The following DCLK2 variants were observed in gnomAD, a reference collection of about 807,000 sequenced individuals.
DCLK2 encodes serine/threonine-protein kinase DCLK2.
DCLK2 carries 31 observed loss-of-function variants against 78.4 expected under a neutral mutation model. The ratio of observed to expected loss-of-function variants is 0.40; its 90% CI spans 0.30 to 0.53. The LOEUF is 0.53. Among genes scored for constraint, DCLK2 ranks in the 20% least tolerant of loss-of-function variants. DCLK2 has a pLI of 0.61. For synonymous variants in DCLK2, 407 were observed against 374.9 expected (o/e 1.09, Z -0.99); for missense variants, 872 against 973.7 (o/e 0.90, Z 1.39).
chr4:150,229,247 G>A (rs1318808593), intron 8 of DCLK2, among the ~76,000 whole-genome samples: 1 of 152,166 alleles, frequency 6.6e-6, no homozygotes, highest in African/African-American at 2.4e-5. Context: ...AAGATTGCTT[G>A]AGCCTGGGAG....
At chr4:150,095,628 T>C (rs1430358320) in intron 1 of DCLK2, among the ~76,000 whole-genome samples, 1 of 152,212 alleles carries the variant, frequency 6.6e-6, no homozygotes, top group Non-Finnish European at 1.5e-5. Context: ...CTCCAGGCTG[T>C]TTTCCTAGAG....
At chr4:150,197,440 C>T (rs1238158443) in intron 3 of DCLK2, among the ~76,000 whole-genome samples, 2 of 152,154 alleles carry the variant, frequency 1.3e-5, no homozygotes, top group Non-Finnish European at 2.9e-5. Flanking sequence ...CCATCTGGAA[C>T]ACTGAGGTGA....
At chr4:150,196,094 G>A (rs753307110) in intron 3 of DCLK2, among the ~76,000 whole-genome samples, 1 of 151,994 alleles carries the variant, frequency 6.6e-6, no homozygotes, top group Admixed American at 6.6e-5. Flanking sequence ...AACTTGTATT[G>A]TAATCTTAAT....
At chr4:150,215,925 T>A (rs2126507582) in intron 5 of DCLK2, among the ~76,000 whole-genome samples, 1 of 152,302 alleles carries the variant, frequency 6.6e-6, no homozygotes, top group South Asian at 2.1e-4. Context: ...AGAGAGATTG[T>A]TTTCTGAGGC....
At chr4:150,247,378 G>T (rs1243483985) in intron 12 of DCLK2, among the ~76,000 whole-genome samples, 1 of 152,152 alleles carries the variant, frequency 6.6e-6, no homozygotes, top group African/African-American at 2.4e-5. Flanking sequence ...TTGAGTCATT[G>T]TCTCTGTCTC....
At chr4:150,195,381 A>AT in intron 3 of DCLK2, among the ~76,000 whole-genome samples, 2 of 2,260 alleles carry the variant, frequency 8.8e-4, no homozygotes, top group African/African-American at 1.9e-3. Flanking sequence ...ATATTATATA[A>AT]TATATATATT....
At chr4:150,213,608 T>A (rs185410527) in intron 5 of DCLK2, among the ~76,000 whole-genome samples, 3,338 of 151,672 alleles carry the variant, frequency 0.022, 111 homozygotes, top group African/African-American at 0.072. Context: ...TATTTTTTTT[T>A]AAAAAAAAAT....
At chr4:150,086,996 T>G (rs540984117) in intron 1 of DCLK2, among the ~76,000 whole-genome samples, 20 of 152,348 alleles carry the variant, frequency 1.3e-4, no homozygotes, top group Admixed American at 1.0e-3. Context: ...TAACACAATC[T>G]TAATTTTTTA....
intron 2 of DCLK2, among the ~76,000 whole-genome samples, chr4:150,135,676 C>A (rs995617227): frequency 2.0e-5 from 3 of 152,200 alleles, no homozygotes; most frequent in Non-Finnish European, 4.4e-5. Context: ...TCATCTGTCT[C>A]ACAAACTTGA....
Position 150,078,576 on chromosome 4 carries a change from G to A in DCLK2, c.-452G>A, listed in dbSNP as rs1728985310. 6.6e-6 allele frequency: 1 copy of A among 151,320 alleles called. No individual in the cohort carries two copies. The highest frequency in any genetic ancestry group is 2.4e-5 in the African/African-American group (1 of 41,300). The allele number at this position is 151,320 out of a possible 1,614,324, so 9.4% of individuals were successfully genotyped here. On this transcript the variant is annotated 5_prime_UTR_variant, in exon 1 of 16. Coordinates refer to ENST00000296550, the MANE Select transcript of DCLK2 (RefSeq NM_001040260.4). Reference sequence around the variant, plus strand: ...CCCGGGGGCCTCTCCCACGCTCCGCGCCCCGCCCCACCCTTCCTTCCTTCC... The same window carrying A: ...CCCGGGGGCCTCTCCCACGCTCCGCACCCCGCCCCACCCTTCCTTCCTTCC...
At chr4:150,086,999 A>AT (rs2150133942) in intron 1 of DCLK2, among the ~76,000 whole-genome samples, 1 of 152,264 alleles carries the variant, frequency 6.6e-6, no homozygotes, top group Non-Finnish European at 1.5e-5. Flanking sequence ...CACAATCTTA[A>AT]TTTTTTAATT....
At chr4:150,109,436 G>A (rs1242995558) in intron 2 of DCLK2, among the ~76,000 whole-genome samples, 1 of 151,780 alleles carries the variant, frequency 6.6e-6, no homozygotes, top group Non-Finnish European at 1.5e-5. Flanking sequence ...CCTGGTTCAA[G>A]CGATTCTCCT....
At chr4:150,175,202 T>TATATATTTATA (rs1736975498) in intron 2 of DCLK2, among the ~76,000 whole-genome samples, 4 of 113,458 alleles carry the variant, frequency 3.5e-5, no homozygotes, top group East Asian at 2.7e-4. Flanking sequence ...TATCTATATA[T>TATATATTTATA]ATTTATATAT....
At chr4:150,187,378 T>A (rs561967902) in intron 2 of DCLK2, among the ~76,000 whole-genome samples, 1 of 152,330 alleles carries the variant, frequency 6.6e-6, no homozygotes, top group South Asian at 2.1e-4. Context: ...TGTTCTTTAA[T>A]GATCTTTCCA....
intron 2 of DCLK2, among the ~76,000 whole-genome samples, chr4:150,157,543 C>G (rs1735398984): frequency 7.0e-6 from 1 of 142,874 alleles, no homozygotes; most frequent in Non-Finnish European, 1.5e-5. Context: ...GCTGGAGTCT[C>G]TCTCTCTTGT....
intron 5 of DCLK2, among the ~76,000 whole-genome samples, chr4:150,214,479 C>T (rs957370208): frequency 2.0e-5 from 3 of 152,148 alleles, no homozygotes; most frequent in Non-Finnish European, 4.4e-5. Flanking sequence ...TTCTTGCTCA[C>T]CAGGAGTTTG....
chr4:150,236,416 G>A (rs962832609), intron 10 of DCLK2, among the ~76,000 whole-genome samples: 1 of 152,186 alleles, frequency 6.6e-6, no homozygotes, highest in African/African-American at 2.4e-5. Flanking sequence ...AGTGCTGTGC[G>A]CCTCAGTCTC....
At chr4:150,140,957 A>C (rs1258157586) in intron 2 of DCLK2, among the ~76,000 whole-genome samples, 2 of 152,198 alleles carry the variant, frequency 1.3e-5, no homozygotes, top group Non-Finnish European at 2.9e-5. Context: ...AGCCAGGGGA[A>C]AGAATAATGC....
At chr4:150,251,872 G>A (rs1580810796) in intron 15 of DCLK2, among the ~76,000 whole-genome samples, 1 of 151,466 alleles carries the variant, frequency 6.6e-6, no homozygotes, top group African/African-American at 2.4e-5. Flanking sequence ...CTGCGTTTAT[G>A]TGGCCACCCT....
Sources: allele counts gnomAD v4.1 joint callset (sites outside exome capture counted in the v4.1 genomes callset), GRCh38; gene constraint gnomAD v4.1.1; transcripts MANE v1.5; gene names NCBI Gene and HGNC (gene_info 2026-07-23, HGNC 2026-07-21).